GALNT13: variants seen among roughly 807,000 people sequenced by gnomAD.
GALNT13 encodes the protein UDP-GalNAc:polypeptide N-acetylgalactosaminyltransferase 13.
Under a neutral mutation model 64.2 loss-of-function variants are expected in GALNT13, and 28 were observed. The observed-to-expected ratio is 0.44, with a 90% CI of 0.32 to 0.60. The LOEUF is 0.60. Among genes scored for constraint, GALNT13 ranks in the 20% least tolerant of loss-of-function variants. The probability of loss-of-function intolerance (pLI) is 0.05; values close to 1 mark genes in which losing one functional copy is unlikely to be tolerated. For synonymous variants in GALNT13, 214 were observed against 224.6 expected, an observed-to-expected ratio of 0.95 and a Z score of 0.42; for missense variants, 577 against 669.8, an observed-to-expected ratio of 0.86 and a Z score of 1.53.
chr2:153,877,349 A>G (rs1227324730), intron 1 of GALNT13, among the ~76,000 whole-genome samples: 2 of 152,106 alleles, frequency 1.3e-5, no homozygotes, highest in Non-Finnish European at 2.9e-5. Flanking sequence ...CTCTTATACA[A>G]CATTTTAGGA....
At chr2:153,356,247 A>C in the GALNT13 span, among the ~76,000 whole-genome samples, 8 of 152,234 alleles carry the variant, frequency 5.3e-5, no homozygotes, top group Non-Finnish European at 1.2e-4. Context: ...ACCATGGATA[A>C]TAAAAAATTT....
At chr2:153,375,417 GTTAT>G in the GALNT13 span, among the ~76,000 whole-genome samples, 10 of 152,118 alleles carry the variant, frequency 6.6e-5, no homozygotes, top group African/African-American at 2.4e-4. Context: ...TTTTCATTCA[GTTAT>G]TTGTTTGTAT....
At chr2:154,355,126 C>A (rs922840738) in intron 9 of GALNT13, among the ~76,000 whole-genome samples, 17 of 152,066 alleles carry the variant, frequency 1.1e-4, no homozygotes, top group Non-Finnish European at 2.4e-4. Flanking sequence ...TACTACACGG[C>A]AGCTTTGTCC....
At chr2:153,938,856 G>A (rs1244401686) in intron 2 of GALNT13, among the ~76,000 whole-genome samples, 1 of 151,964 alleles carries the variant, frequency 6.6e-6, no homozygotes, top group South Asian at 2.1e-4. Context: ...TCCAAATATG[G>A]TTCCATTCTA....
chr2:154,003,773 CGAATTGTGA>C (rs1242252001), intron 3 of GALNT13, among the ~76,000 whole-genome samples: 1 of 151,938 alleles, frequency 6.6e-6, no homozygotes, highest in Non-Finnish European at 1.5e-5. Flanking sequence ...AGTGAGTGGG[CGAATTGTGA>C]GATCTGGTTG....
At chr2:154,251,334 G>T (rs1046668945) in intron 7 of GALNT13, among the ~76,000 whole-genome samples, 1 of 152,044 alleles carries the variant, frequency 6.6e-6, no homozygotes, top group Non-Finnish European at 1.5e-5. Context: ...GAAGCTTAGG[G>T]TTTTATCAGG....
the GALNT13 span, among the ~76,000 whole-genome samples, chr2:153,224,764 TC>T: frequency 6.6e-6 from 1 of 152,206 alleles, no homozygotes; most frequent in Non-Finnish European, 1.5e-5. Context: ...ATGAAGCAAT[TC>T]CTTAAAATAT....
chr2:153,419,786 G>A, the GALNT13 span, among the ~76,000 whole-genome samples: 2 of 151,866 alleles, frequency 1.3e-5, no homozygotes, highest in Non-Finnish European at 2.9e-5. Flanking sequence ...TATCACTGGG[G>A]GAAACTAAGT....
chr2:153,086,527 C>T, the GALNT13 span, among the ~76,000 whole-genome samples: 2 of 152,094 alleles, frequency 1.3e-5, no homozygotes, highest in African/African-American at 4.8e-5. Context: ...CAGTCTCTTG[C>T]CTGCTGCCAT....
the GALNT13 span, among the ~76,000 whole-genome samples, chr2:153,811,378 G>T: frequency 6.6e-6 from 1 of 152,080 alleles, no homozygotes; most frequent in African/African-American, 2.4e-5. Context: ...ACACTGATTA[G>T]CTTTACCTCT....
the GALNT13 span, among the ~76,000 whole-genome samples, chr2:153,387,547 A>T: frequency 1.7e-4 from 26 of 152,074 alleles, no homozygotes; most frequent in Admixed American, 1.2e-3. Flanking sequence ...TTTTCTTTAG[A>T]AGTGTAGGTA....
chr2:154,446,368 T>C (rs1413898265), intron 12 of GALNT13: 3 of 390,920 alleles, frequency 7.7e-6, no homozygotes, highest in Non-Finnish European at 1.4e-5. Context: ...TTCTCAGTCT[T>C]ATCTTCATTT....
chr2:153,330,739 A>G, the GALNT13 span, among the ~76,000 whole-genome samples: 1 of 152,040 alleles, frequency 6.6e-6, no homozygotes, highest in Non-Finnish European at 1.5e-5. Flanking sequence ...ATTGTTTGAC[A>G]TCTTCATTTC....
the GALNT13 span, among the ~76,000 whole-genome samples, chr2:153,664,166 C>A: frequency 6.6e-6 from 1 of 152,138 alleles, no homozygotes; most frequent in African/African-American, 2.4e-5. Context: ...TCCTAGCAAG[C>A]CTGAGGGCAC....
intron 9 of GALNT13, among the ~76,000 whole-genome samples, chr2:154,341,038 C>T (rs1398674522): frequency 6.6e-6 from 1 of 152,030 alleles, no homozygotes; most frequent in Non-Finnish European, 1.5e-5. Context: ...AATTTCAAGT[C>T]ATAGACTTTT....
chr2:154,380,491 A>C (rs2105330758), intron 9 of GALNT13, among the ~76,000 whole-genome samples: 1 of 152,178 alleles, frequency 6.6e-6, no homozygotes, highest in East Asian at 1.9e-4. Context: ...TGTATATATT[A>C]AGAAATTAAA....
intron 1 of GALNT13, among the ~76,000 whole-genome samples, chr2:153,879,007 C>T (rs1686586498): frequency 6.6e-6 from 1 of 152,170 alleles, no homozygotes; most frequent in African/African-American, 2.4e-5. Context: ...CCCACTGATA[C>T]AGAGTCTCAT....
the GALNT13 span, among the ~76,000 whole-genome samples, chr2:153,190,983 T>C: frequency 1.3e-5 from 2 of 148,906 alleles, no homozygotes; most frequent in Non-Finnish European, 2.9e-5. Flanking sequence ...TAAGGTCTTT[T>C]GGTTTTTCTA....
At chr2:153,548,822 C>A in the GALNT13 span, among the ~76,000 whole-genome samples, 2 of 152,102 alleles carry the variant, frequency 1.3e-5, no homozygotes, top group African/African-American at 2.4e-5. Context: ...AAAACTTGTA[C>A]ACAAATGTTC....
Sources: gnomAD v4.1 joint callset for allele counts (sites outside exome capture counted in the v4.1 genomes callset) on GRCh38, gnomAD v4.1.1 for gene constraint, MANE v1.5 for transcripts, NCBI Gene and HGNC (gene_info 2026-07-23, HGNC 2026-07-21) for gene names.